The following MMS22L variants were observed in gnomAD, a reference collection of about 807,000 sequenced individuals.
MMS22L encodes protein MMS22-like.
A neutral mutation model predicts 159.1 loss-of-function variants in MMS22L; 74 were observed. The ratio of observed to expected loss-of-function variants is 0.47; its 90% CI spans 0.39 to 0.56. MMS22L has a LOEUF of 0.56. Ranked by LOEUF, MMS22L falls within the 20% of genes least tolerant of loss-of-function variation. The pLI, the probability that MMS22L is intolerant of heterozygous loss-of-function variation, is 0.00. For synonymous variants in MMS22L, 517 were observed against 506.9 expected (o/e 1.02, Z -0.27); for missense variants, 1,351 against 1,422.1 (o/e 0.95, Z 0.80).
At chr6:97,257,657 G>A (rs1813969937) in intron 9 of MMS22L, among the ~76,000 whole-genome samples, 3 of 151,924 alleles carry the variant, frequency 2.0e-5, no homozygotes, top group South Asian at 2.1e-4. Flanking sequence ...GAACTCCTGG[G>A]CTCAAGCAAT....
intron 14 of MMS22L, among the ~76,000 whole-genome samples, chr6:97,202,979 G>T (rs1417782675): frequency 6.6e-6 from 1 of 151,980 alleles, no homozygotes; most frequent in Non-Finnish European, 1.5e-5. Context: ...TATGCATTTT[G>T]TTTGCCACAT....
intron 16 of MMS22L, among the ~76,000 whole-genome samples, chr6:97,180,294 C>T (rs764214174): frequency 6.6e-6 from 1 of 151,748 alleles, no homozygotes; most frequent in African/African-American, 2.4e-5. Context: ...GTAGAGACAG[C>T]GTTTCACCGT....
intron 24 of MMS22L, among the ~76,000 whole-genome samples, chr6:97,147,939 T>TA (rs1355634080): frequency 2.6e-5 from 4 of 152,232 alleles, no homozygotes; most frequent in African/African-American, 9.6e-5. Flanking sequence ...AATTTTTGTC[T>TA]AAAAATTGGA....
chr6:97,228,924 C>T lies in MMS22L; in HGVS notation c.2009G>A (p.Ser670Asn), dbSNP rs761720157. Residue 670 changes from serine to asparagine, a missense_variant, in exon 14 of 25, where the codon AGC becomes AAC. By Grantham distance (46) the Ser-to-Asn change is conservative (BLOSUM62 1). Coordinates refer to ENST00000683635, the MANE Select transcript of MMS22L (RefSeq NM_001350599.2). ...TCTGGCCAGAACAGCTTGTAGGAAG[C>T]TCAATACTGTCCTAAGTTCAGATTC... The part of the protein sequence containing the change: ...CRESELRTVL[S>N]FLQAVLARIR... The T allele has an allele frequency of 1.2e-6, 2 of 1,613,954 alleles. No homozygotes were observed. Among genetic ancestry groups the T allele is most frequent in the Admixed American group, 3.3e-5 (2 of 60,004 alleles).
At chr6:97,164,487 T>C (rs1321344892) in intron 21 of MMS22L, among the ~76,000 whole-genome samples, 1 of 151,846 alleles carries the variant, frequency 6.6e-6, no homozygotes, top group African/African-American at 2.4e-5. Context: ...CTTAGTAGAA[T>C]ATTTAAGAAG....
intron 14 of MMS22L, among the ~76,000 whole-genome samples, chr6:97,197,229 AAAG>A (rs1382555168): frequency 6.6e-6 from 1 of 152,202 alleles, no homozygotes; most frequent in African/African-American, 2.4e-5. Flanking sequence ...GTAATTTCTA[AAAG>A]AAGAGCAGAA....
chr6:97,178,759 C>T (rs1804382326), intron 17 of MMS22L, among the ~76,000 whole-genome samples, 174 bp from the exon 18 acceptor site: 1 of 152,032 alleles, frequency 6.6e-6, no homozygotes. Context: ...TTAAATTTCT[C>T]TCACTTATGA....
chr6:97,147,012 C>A, intron 24 of MMS22L, 125 bp from the exon 25 acceptor site: 1 of 595,164 alleles, frequency 1.7e-6, no homozygotes, highest in Non-Finnish European at 2.9e-6. Flanking sequence ...ATCCAGCAGG[C>A]TTAGCACAAC....
At chr6:97,212,717 T>C (rs1021434297) in intron 14 of MMS22L, among the ~76,000 whole-genome samples, 4 of 152,168 alleles carry the variant, frequency 2.6e-5, no homozygotes, top group African/African-American at 9.7e-5. Flanking sequence ...TTTGTAACAT[T>C]TTGAAAAATA....
At chr6:97,178,403 G>GTA in intron 18 of MMS22L, 40 bp downstream of exon 18, 1 of 1,405,044 alleles carries the variant, frequency 7.1e-7, no homozygotes, top group Non-Finnish European at 9.6e-7. Context: ...AAAATTAATT[G>GTA]TAATTAATCT....
intron 11 of MMS22L, among the ~76,000 whole-genome samples, chr6:97,242,766 T>C (rs1812220986): frequency 6.6e-6 from 1 of 152,210 alleles, no homozygotes; most frequent in Admixed American, 6.5e-5. Context: ...CTTATAGTGC[T>C]GGCTTGGTAG....
intron 10 of MMS22L, among the ~76,000 whole-genome samples, chr6:97,247,775 A>G: frequency 6.6e-6 from 1 of 152,150 alleles, no homozygotes; most frequent in African/African-American, 2.4e-5. Context: ...GAGGCCTTAA[A>G]AAGTAAAAGA....
intron 15 of MMS22L, 29 bp from the exon 16 acceptor site, chr6:97,182,083 T>A: frequency 6.3e-7 from 1 of 1,584,870 alleles, no homozygotes; most frequent in Non-Finnish European, 8.6e-7. Context: ...AAACTTAAAG[T>A]CAGGAATCTT....
chr6:97,247,683 G>A (rs1416418328), intron 10 of MMS22L, among the ~76,000 whole-genome samples: 1 of 151,954 alleles, frequency 6.6e-6, no homozygotes, highest in Non-Finnish European at 1.5e-5. Flanking sequence ...ATGCCACTGC[G>A]CTCTAGCCTG....
intron 18 of MMS22L, among the ~76,000 whole-genome samples, chr6:97,175,452 T>C (rs940666776): frequency 5.9e-5 from 9 of 152,212 alleles, no homozygotes; most frequent in Non-Finnish European, 1.2e-4. Flanking sequence ...TGGTATTTCC[T>C]ACAGATTAGT....
At chr6:97,147,967 AGTGT>A (rs895296963) in intron 24 of MMS22L, among the ~76,000 whole-genome samples, 1 of 152,230 alleles carries the variant, frequency 6.6e-6, no homozygotes, top group Non-Finnish European at 1.5e-5. Context: ...TATTCATTAG[AGTGT>A]GTATTTGTAC....
At chr6:97,240,975 C>G (rs184085174) in intron 11 of MMS22L, among the ~76,000 whole-genome samples, 89 of 152,286 alleles carry the variant, frequency 5.8e-4, no homozygotes, top group Admixed American at 4.8e-3. Context: ...CCACCATTCC[C>G]CTCAGGCCCT....
intron 22 of MMS22L, among the ~76,000 whole-genome samples, chr6:97,161,634 T>G (rs1802446621): frequency 6.6e-6 from 1 of 151,928 alleles, no homozygotes; most frequent in African/African-American, 2.4e-5. Flanking sequence ...AAAACCTGAA[T>G]AAAAAAAGTA....
At chr6:97,205,403 C>T (rs887963955) in intron 14 of MMS22L, among the ~76,000 whole-genome samples, 1 of 152,106 alleles carries the variant, frequency 6.6e-6, no homozygotes, top group Non-Finnish European at 1.5e-5. Context: ...TCTATGGCTA[C>T]ACAATAATGG....
Sources: allele counts gnomAD v4.1 joint callset (sites outside exome capture counted in the v4.1 genomes callset), GRCh38; gene constraint gnomAD v4.1.1; transcripts MANE v1.5; gene names NCBI Gene and HGNC (gene_info 2026-07-23, HGNC 2026-07-21).